Variants in KCND2 observed in about 807,000 individuals in gnomAD.
KCND2 encodes potassium voltage-gated channel subfamily D member 2, also known as A-type voltage-gated potassium channel KCND2.
In KCND2, 16 loss-of-function variants were observed where a neutral mutation model predicts 54.4. The observed-to-expected ratio is 0.29, with a 90% CI of 0.20 to 0.45. KCND2 has a LOEUF of 0.45. Ranked by LOEUF, KCND2 falls within the 20% of genes least tolerant of loss-of-function variation. The probability of loss-of-function intolerance (pLI) is 1.00; values close to 1 mark genes in which losing one functional copy is unlikely to be tolerated. For missense variants in KCND2, 486 were observed against 824.2 expected, an observed-to-expected ratio of 0.59 and a Z score of 5.02; for synonymous variants, 317 against 310.7, an observed-to-expected ratio of 1.02 and a Z score of -0.21.
At chr7:120,633,831 T>C (rs1322709898) in intron 1 of KCND2, among the ~76,000 whole-genome samples, 1 of 152,222 alleles carries the variant, frequency 6.6e-6, no homozygotes, top group Non-Finnish European at 1.5e-5. Flanking sequence ...TTTTGCACTA[T>C]GGTTAAGCAA....
chr7:120,570,339 T>C (rs1030928048), intron 1 of KCND2, among the ~76,000 whole-genome samples: 1 of 151,860 alleles, frequency 6.6e-6, no homozygotes, highest in African/African-American at 2.4e-5. Flanking sequence ...CTGGGAAAGC[T>C]ACAACCCAGA....
At chr7:120,432,250 A>G (rs1801801712) in intron 1 of KCND2, among the ~76,000 whole-genome samples, 8 of 152,242 alleles carry the variant, frequency 5.3e-5, no homozygotes, top group Admixed American at 4.6e-4. Flanking sequence ...CTAGTGTACT[A>G]ATATCTCCGT....
chr7:120,663,534 C>G (rs1366208221), intron 1 of KCND2, among the ~76,000 whole-genome samples: 2 of 151,998 alleles, frequency 1.3e-5, no homozygotes, highest in African/African-American at 4.8e-5. Context: ...ATAGATATAA[C>G]AATAGAAATA....
At chr7:120,371,639 G>T (rs796536921) in intron 1 of KCND2, among the ~76,000 whole-genome samples, 14 of 152,050 alleles carry the variant, frequency 9.2e-5, no homozygotes, top group African/African-American at 3.4e-4. Flanking sequence ...GGTTCTGCAG[G>T]TTCCATTCAT....
At chr7:120,574,309 C>G (rs1450551654) in intron 1 of KCND2, among the ~76,000 whole-genome samples, 1 of 152,062 alleles carries the variant, frequency 6.6e-6, no homozygotes, top group African/African-American at 2.4e-5. Context: ...TTTGACCATG[C>G]AATGAACAGA....
intron 1 of KCND2, among the ~76,000 whole-genome samples, chr7:120,612,139 TAGAG>T (rs1203446185): frequency 7.5e-5 from 11 of 146,714 alleles, no homozygotes; most frequent in Non-Finnish European, 3.1e-5. Flanking sequence ...AATGAGCAGA[TAGAG>T]AGCTATTGCA....
intron 1 of KCND2, among the ~76,000 whole-genome samples, chr7:120,658,415 G>A (rs1050418377): frequency 3.3e-5 from 5 of 152,256 alleles, no homozygotes; most frequent in South Asian, 2.1e-4. Flanking sequence ...TATGATATAC[G>A]CAATGTCTAC....
intron 1 of KCND2, among the ~76,000 whole-genome samples, chr7:120,461,567 T>A (rs1053509153): frequency 6.6e-6 from 1 of 152,142 alleles, no homozygotes; most frequent in Non-Finnish European, 1.5e-5. Flanking sequence ...TGTGTATGAT[T>A]TGAGACATTT....
At position 120,665,828 on chromosome 7, in the gene KCND2, A is replaced by G. The variant is rs146315222; in HGVS notation, c.1116-67075A>G. 4.7e-3 allele frequency among the ~76,000 whole-genome samples: 710 copies of G among 152,214 alleles called. 7 individuals carry two copies. Among genetic ancestry groups the G allele is most frequent in the African/African-American group, 0.016 (683 of 41,546 alleles). Reference sequence around the variant, plus strand: ...TTACAAGCACAATTATTCAAGTAACAAATAGGGAAGTAATTCATAAACATG... The same window carrying G: ...TTACAAGCACAATTATTCAAGTAACGAATAGGGAAGTAATTCATAAACATG... On this transcript the variant is annotated intron_variant, in intron 1 of 5. Transcript: ENST00000331113.
At chr7:120,470,254 C>T (rs970181680) in intron 1 of KCND2, among the ~76,000 whole-genome samples, 3 of 152,022 alleles carry the variant, frequency 2.0e-5, no homozygotes, top group African/African-American at 7.2e-5. Flanking sequence ...TGTAACTAAT[C>T]AAAGTAAAGA....
At chr7:120,707,360 G>A (rs1321948293) in intron 1 of KCND2, among the ~76,000 whole-genome samples, 1 of 152,038 alleles carries the variant, frequency 6.6e-6, no homozygotes, top group African/African-American at 2.4e-5. Flanking sequence ...CATACACTAG[G>A]ACAACTATAA....
At chr7:120,359,032 A>T (rs1800551660) in intron 1 of KCND2, among the ~76,000 whole-genome samples, 1 of 152,188 alleles carries the variant, frequency 6.6e-6, no homozygotes. Context: ...CTTACAGGCC[A>T]CAGGTGGCAT....
chr7:120,453,648 C>T (rs772356032), intron 1 of KCND2, among the ~76,000 whole-genome samples: 4 of 152,154 alleles, frequency 2.6e-5, no homozygotes, highest in Non-Finnish European at 4.4e-5. Flanking sequence ...TTGAAATTAG[C>T]CTGCTCCTTA....
At chr7:120,711,613 C>G (rs938433457) in intron 1 of KCND2, among the ~76,000 whole-genome samples, 3 of 152,114 alleles carry the variant, frequency 2.0e-5, no homozygotes, top group African/African-American at 7.2e-5. Flanking sequence ...TATACCCGTT[C>G]TTGTAATTGA....
chr7:120,433,248 G>T lies in KCND2; in HGVS notation c.1115+157501G>T, dbSNP rs546505296. Among the ~76,000 whole-genome samples the T allele has an allele frequency of 1.3e-4, 20 of 152,314 alleles. No homozygotes were observed. In the East Asian group the frequency reaches 2.7e-3, roughly 21 times the overall value. On this transcript the variant is annotated intron_variant, in intron 1 of 5. Transcript: ENST00000331113. ...CCCCCAGGCACTGTTAATACTGAGA[G>T]GGTGCCACGTCCCCTAGCTGTATGA...
At position 120,745,771 on chromosome 7, in the gene KCND2, G is replaced by A; in HGVS notation, c.1468-9G>A. 1 of 1,613,476 alleles carries A rather than the reference G, an allele frequency of 6.2e-7. No individual in the cohort carries two copies. The highest frequency in any genetic ancestry group is 1.1e-5 in the South Asian group (1 of 91,070). The stretch of plus-strand genomic sequence containing the variant: ...TCTGTTTCTTCATTTACTTACAACT[G>A]TGGAACAGAATCACGAGTTTGTGGA... On this transcript the variant is annotated splice_polypyrimidine_tract_variant and intron_variant, in intron 4 of 5. Transcript: ENST00000331113.
At chr7:120,318,533 A>G (rs1799847230) in intron 1 of KCND2, among the ~76,000 whole-genome samples, 1 of 152,090 alleles carries the variant, frequency 6.6e-6, no homozygotes, top group Admixed American at 6.6e-5. Context: ...GTGTTTGGCA[A>G]CATATTTATT....
At chr7:120,644,255 G>A (rs1226679354) in intron 1 of KCND2, among the ~76,000 whole-genome samples, 1 of 152,070 alleles carries the variant, frequency 6.6e-6, no homozygotes, top group African/African-American at 2.4e-5. Flanking sequence ...TCCATTTCAG[G>A]GGCATTCCTG....
At chr7:120,289,581 G>A (rs901276270) in intron 1 of KCND2, among the ~76,000 whole-genome samples, 1 of 152,002 alleles carries the variant, frequency 6.6e-6, no homozygotes, top group Admixed American at 6.6e-5. Flanking sequence ...AGGTATCCCA[G>A]TAAGAGCTAC....
Sources: allele counts gnomAD v4.1 joint callset (sites outside exome capture counted in the v4.1 genomes callset), GRCh38; gene constraint gnomAD v4.1.1; transcripts MANE v1.5; gene names NCBI Gene and HGNC (gene_info 2026-07-23, HGNC 2026-07-21).